The following MARCHF10 variants were observed in gnomAD, a reference collection of about 807,000 sequenced individuals.
MARCHF10 encodes membrane associated ring-CH-type finger 10.
MARCHF10 carries 64 observed loss-of-function variants against 76.2 expected under a neutral mutation model. The ratio of observed to expected loss-of-function variants is 0.84; its 90% CI spans 0.69 to 1.03. The LOEUF (loss-of-function observed/expected upper bound fraction) is 1.03. Ranked by LOEUF, MARCHF10 falls within the 50% of genes least tolerant of loss-of-function variation. The pLI is 0.00. For synonymous variants in MARCHF10, 340 were observed against 357.5 expected (o/e 0.95, Z 0.55); for missense variants, 875 against 958.0 (o/e 0.91, Z 1.14).
In MARCHF10 at chr17:62,725,274, T is replaced by C. The variant is rs546126466; in HGVS notation, c.1938-170A>G. 4.7e-4 allele frequency among the ~76,000 whole-genome samples: 71 copies of C among 152,128 alleles called. 1 individual carries two copies. The South Asian group carries it at 0.014, about 29-fold the overall frequency. ...GATAACACAGGCACAAATTCTCTCTTTTTTTTTGAAACAGAGTCTCACTCC... is the reference window on the plus strand; with the variant it reads ...GATAACACAGGCACAAATTCTCTCTCTTTTTTTGAAACAGAGTCTCACTCC... On this transcript the variant is annotated intron_variant, in intron 6 of 10. Transcript: ENST00000311269.
At chr17:62,795,055 C>T (rs1468109760) in intron 2 of MARCHF10, 10 of 985,190 alleles carry the variant, frequency 1.0e-5, no homozygotes, top group Middle Eastern at 5.2e-4. Flanking sequence ...CCCTCACCTC[C>T]GTCCCTATGG....
At chr17:62,756,276 AAAAAC>A (rs2092040234) in intron 4 of MARCHF10, among the ~76,000 whole-genome samples, 1 of 151,736 alleles carries the variant, frequency 6.6e-6, no homozygotes. Context: ...AAAACAAAAC[AAAAAC>A]AAAACAAGTA....
chr17:62,757,260 G>A (rs1195506013), intron 4 of MARCHF10, among the ~76,000 whole-genome samples: 1 of 152,094 alleles, frequency 6.6e-6, no homozygotes, highest in South Asian at 2.1e-4. Context: ...CAGAATCTCA[G>A]GTCTGACATG....
At chr17:62,784,720 T>C (rs1184055880) in intron 3 of MARCHF10, among the ~76,000 whole-genome samples, 1 of 152,304 alleles carries the variant, frequency 6.6e-6, no homozygotes, top group South Asian at 2.1e-4. Context: ...AGCATTCCTA[T>C]GCACCAATAA....
chr17:62,793,475 T>TCACCACCACCTCCATCAC lies in MARCHF10; in HGVS notation c.91-4894_91-4877dup, dbSNP rs1598057598. On this transcript the variant is annotated intron_variant, in intron 2 of 10. Transcript: ENST00000311269. ...ATCACCACCACCATCACCACCACCA[T>TCACCACCACCTCCATCAC]CACCACCACCTCCATCACCACCACC... is the stretch of plus-strand genomic sequence containing the variant. Among the ~76,000 whole-genome samples the TCACCACCACCTCCATCAC allele has an allele frequency of 2.4e-3, 112 of 46,086 alleles. 2 individuals are homozygous for TCACCACCACCTCCATCAC. Among genetic ancestry groups the TCACCACCACCTCCATCAC allele is most frequent in the Non-Finnish European group, 3.2e-3 (80 of 24,728 alleles). 30.2% of individuals were successfully genotyped at this position (46,086 alleles called of 152,430 possible).
In MARCHF10 at chr17:62,730,891, T is replaced by TCAACAA. The variant is rs34266869; in HGVS notation, c.1937+5034_1937+5039dup. 7.7e-4 allele frequency among the ~76,000 whole-genome samples: 116 copies of TCAACAA among 150,592 alleles called. 1 individual carries two copies. The highest frequency in any genetic ancestry group is 2.3e-3 in the South Asian group (11 of 4,730). ...CTGGGCAACAGAGCGAGACTCCATC[T>TCAACAA]CAACAACAACAACAACAACAACAAC... On this transcript the variant is annotated intron_variant, in intron 6 of 10. Coordinates refer to ENST00000311269, the MANE Select transcript of MARCHF10 (RefSeq NM_152598.4).
chr17:62,797,720 T>C (rs922450047), intron 2 of MARCHF10, among the ~76,000 whole-genome samples: 3 of 152,180 alleles, frequency 2.0e-5, no homozygotes, highest in Non-Finnish European at 4.4e-5. Context: ...AGGAGTATCC[T>C]ATATTCCAAT....
rs2089983657 is a variant in MARCHF10 at position 62,712,502 on chromosome 17, T to C, written c.2215-1158A>G. ...CAGCTGCCAGAAAAGGCACAGAAGT[T>C]GAGCAAGGATTGATATGCTCTTCCT... On this transcript the variant is annotated intron_variant, in intron 8 of 10. Coordinates refer to ENST00000311269, the MANE Select transcript of MARCHF10 (RefSeq NM_152598.4). The surrounding 1 kb of genome is among the most constrained non-coding windows in gnomAD (Gnocchi z 4.2). 6.6e-6 allele frequency among the ~76,000 whole-genome samples: 1 copy of C among 152,154 alleles called. No homozygotes were observed.
chr17:62,748,334 T>C (rs1056298181), intron 4 of MARCHF10, among the ~76,000 whole-genome samples: 3 of 149,042 alleles, frequency 2.0e-5, no homozygotes, highest in Non-Finnish European at 4.5e-5. Context: ...GAGGCGGAGG[T>C]TGCAGTGAGC....
chr17:62,702,869 G>A (rs59419131), intron 10 of MARCHF10, among the ~76,000 whole-genome samples: 2 of 152,140 alleles, frequency 1.3e-5, no homozygotes, highest in Non-Finnish European at 2.9e-5. Context: ...AAAGCCAGTA[G>A]CCTTGACTGG....
chr17:62,807,350 T>C (rs1284926139), intron 1 of MARCHF10, among the ~76,000 whole-genome samples: 2 of 152,006 alleles, frequency 1.3e-5, no homozygotes, highest in Admixed American at 6.6e-5. Flanking sequence ...TCCAGCCAAT[T>C]TGGCTTAAGA....
At chr17:62,710,240 T>G (rs1333993807) in intron 9 of MARCHF10, among the ~76,000 whole-genome samples, 1 of 152,198 alleles carries the variant, frequency 6.6e-6, no homozygotes, top group Non-Finnish European at 1.5e-5. Flanking sequence ...CAGTGTGCAA[T>G]AAAAAGTTCA....
intron 4 of MARCHF10, among the ~76,000 whole-genome samples, chr17:62,752,342 G>A (rs2091921173): frequency 6.6e-6 from 1 of 152,146 alleles, no homozygotes; most frequent in Admixed American, 6.5e-5. Flanking sequence ...AGTGCTCTGG[G>A]AGGAAGGGGA....
intron 4 of MARCHF10, among the ~76,000 whole-genome samples, chr17:62,755,885 G>A (rs1256256390): frequency 6.6e-6 from 1 of 152,092 alleles, no homozygotes; most frequent in Non-Finnish European, 1.5e-5. Flanking sequence ...AGGCCAAGGC[G>A]GGAGGATCAC....
At position 62,705,557 on chromosome 17, in the gene MARCHF10, TG is replaced by T. The variant is rs2089529483; in HGVS notation, c.2352del (p.Arg785GlufsTer56). ...RERLSRNYPQ[P>X]RTEENENSEL... Reference sequence around the variant, plus strand: ...AACCTACTTTCATTTTCCTCTGTTCTGGGTTGTGGGTAATTTCTTGACAACT... The same window carrying T: ...AACCTACTTTCATTTTCCTCTGTTCTGGTTGTGGGTAATTTCTTGACAACT... On this transcript the variant is annotated frameshift_variant, in exon 10 of 11. Transcript: ENST00000311269. LOFTEE classifies it high-confidence loss of function. The T allele has an allele frequency of 6.2e-7, 1 of 1,614,006 alleles. No individual in the cohort carries two copies. Among genetic ancestry groups the T allele is most frequent in the African/African-American group, 1.3e-5 (1 of 74,942 alleles).
At chr17:62,751,448 C>T (rs2091895989) in intron 4 of MARCHF10, among the ~76,000 whole-genome samples, 1 of 152,012 alleles carries the variant, frequency 6.6e-6, no homozygotes, top group Non-Finnish European at 1.5e-5. Flanking sequence ...CTCAAGAGCC[C>T]CAGGTGTTTC....
At position 62,711,394 on chromosome 17, in the gene MARCHF10, T is replaced by A; in HGVS notation, c.2215-50A>T. ...CAGTTCATCTGTAAAATAGTCATGG[T>A]CTAAATTGTGGGATGCAGGGTAACA... is the stretch of plus-strand genomic sequence containing the variant. On this transcript the variant is annotated intron_variant, in intron 8 of 10. Transcript: ENST00000311269. The surrounding 1 kb of genome is among the most constrained non-coding windows in gnomAD (Gnocchi z 4.4). 1.3e-6 allele frequency: 2 copies of A among 1,565,976 alleles called. No homozygotes were observed. Among genetic ancestry groups the A allele is most frequent in the Non-Finnish European group, 1.8e-6 (2 of 1,138,100 alleles).
At chr17:62,794,597 T>C (rs974042948) in intron 2 of MARCHF10, among the ~76,000 whole-genome samples, 2 of 152,200 alleles carry the variant, frequency 1.3e-5, no homozygotes, top group South Asian at 2.1e-4. Flanking sequence ...TCTGAGTCCA[T>C]AGTTGTGCTC....
At chr17:62,730,017 A>G (rs994027262) in intron 6 of MARCHF10, among the ~76,000 whole-genome samples, 3 of 152,320 alleles carry the variant, frequency 2.0e-5, no homozygotes, top group South Asian at 2.1e-4. Flanking sequence ...CCCCGTCTCT[A>G]CTAAAAATGC....
Sources: gnomAD v4.1 joint callset for allele counts (sites outside exome capture counted in the v4.1 genomes callset) on GRCh38, gnomAD v4.1.1 for gene constraint, Gnocchi (gnomAD v3.1) non-coding constraint, MANE v1.5 for transcripts, NCBI Gene and HGNC (gene_info 2026-07-23, HGNC 2026-07-21) for gene names.